BCKDK: variants seen among roughly 807,000 people sequenced by gnomAD.
BCKDK encodes branched-chain alpha-ketoacid dehydrogenase kinase.
In BCKDK, 28 loss-of-function variants were observed where a neutral mutation model predicts 43.9. The observed-to-expected ratio is 0.64, with a 90% CI of 0.47 to 0.87. BCKDK has a LOEUF of 0.87. BCKDK is among the 40% of genes least tolerant of loss of function. The probability of loss-of-function intolerance (pLI) is 0.00; values close to 1 mark genes in which losing one functional copy is unlikely to be tolerated. For synonymous variants in BCKDK, 257 were observed against 234.3 expected (o/e 1.10, Z -0.88); for missense variants, 483 against 581.4 (o/e 0.83, Z 1.74).
In BCKDK at chr16:31,109,393, C is replaced by T. The variant is rs369046982; in HGVS notation, c.170C>T (p.Ser57Leu). The change falls in exon 2 of 12, where the codon TCG (serine) becomes TTG (leucine). Residue 57 changes from serine to leucine, a missense_variant. By Grantham distance (145) the Ser-to-Leu change is moderately radical. Coordinates refer to ENST00000219794, the MANE Select transcript of BCKDK (RefSeq NM_005881.4). The surrounding 1 kb of genome is among the most constrained non-coding windows in gnomAD (Gnocchi z 5.3). ...SKTVTSFYNQ[S>L]AIDAAAEKPS... ...ACCGTCACCTCCTTTTACAACCAGT[C>T]GGCCATCGACGCGGCAGCGGAGAAG... 9 of 1,606,996 alleles carry T rather than the reference C, an allele frequency of 5.6e-6. No individual in the cohort carries two copies. The highest frequency in any genetic ancestry group is 7.7e-6 in the Non-Finnish European group (9 of 1,175,546).
At chr16:31,115,598 C>T (rs2057440542), downstream of BCKDK, among the ~76,000 whole-genome samples, 1 of 152,004 alleles carries the variant, frequency 6.6e-6, no homozygotes, top group East Asian at 1.9e-4. Context: ...GGGATTATAG[C>T]TCACTCAGCC....
At position 31,112,458 on chromosome 16, in the gene BCKDK, C is replaced by T; in HGVS notation, c.*193C>T. Reference sequence around the variant, plus strand: ...GTCCATTGCCTCCTCGCCTCCAGAACTTGGAGCAGGGAAGTGGGCACCCTG... The same window carrying T: ...GTCCATTGCCTCCTCGCCTCCAGAATTTGGAGCAGGGAAGTGGGCACCCTG... On this transcript the variant is annotated 3_prime_UTR_variant, in exon 12 of 12. Coordinates refer to ENST00000219794, the MANE Select transcript of BCKDK (RefSeq NM_005881.4). The surrounding 1 kb of genome is among the most constrained non-coding windows in gnomAD (Gnocchi z 5.0). The T allele has an allele frequency of 1.1e-6, 1 of 935,980 alleles. No individual in the cohort carries two copies. The highest frequency in any genetic ancestry group is 1.6e-6 in the Non-Finnish European group (1 of 606,702). 58.0% of individuals were successfully genotyped at this position (935,980 alleles called of 1,614,324 possible).
rs765998546 is a variant in BCKDK at position 31,109,312 on chromosome 16, G to A, written c.89G>A (p.Arg30His). 11 of 1,607,770 alleles carry A rather than the reference G, an allele frequency of 6.8e-6. No individual in the cohort carries two copies. The South Asian group carries it at 1.1e-4, about 16-fold the overall frequency. ...LLGPALALRA[R>H]STSATDTHHV... is the part of the protein sequence containing the mutation. ...GGACCCGCACTCGCGCTCCGGGCCC[G>A]CTCGACGTCGGCCACCGACACACAC... The change falls in exon 2 of 12, where the codon CGC becomes CAC. Residue 30 changes from arginine to histidine, a missense_variant. Transcript: ENST00000219794. The surrounding 1 kb of genome is among the most constrained non-coding windows in gnomAD (Gnocchi z 5.3).
Position 31,109,625 on chromosome 16 carries a change from C to G in BCKDK, c.264+46C>G. The G allele has an allele frequency of 6.2e-7, 1 of 1,613,626 alleles. No homozygotes were observed. Among genetic ancestry groups the G allele is most frequent in the Non-Finnish European group, 8.5e-7 (1 of 1,179,622 alleles). On this transcript the variant is annotated intron_variant, in intron 3 of 11. Transcript: ENST00000219794. This position sits in a 1 kb window ranked among gnomAD's most constrained non-coding sequence, Gnocchi z 5.3. ...TTTCCTCGTGGATCCTGGAGCTCTC[C>G]CAGACACTCAGGCTCCAGCCCCGCC...
downstream of BCKDK, among the ~76,000 whole-genome samples, chr16:31,114,555 C>T (rs552668958): frequency 7.2e-5 from 11 of 152,170 alleles, no homozygotes; most frequent in African/African-American, 2.7e-4. Context: ...TCCGCAGGCC[C>T]TGAGCATTCC....
intron 10 of BCKDK, among the ~76,000 whole-genome samples, chr16:31,111,666 T>C (rs1422958405): frequency 6.6e-6 from 1 of 152,034 alleles, no homozygotes; most frequent in Non-Finnish European, 1.5e-5. Flanking sequence ...CGAGGATAAA[T>C]GTCACATCCT....
chr16:31,109,415 G>A lies in BCKDK; in HGVS notation c.192G>A (p.Glu64=). The A allele has an allele frequency of 6.2e-7, 1 of 1,610,226 alleles. No individual in the cohort carries two copies. Among genetic ancestry groups the A allele is most frequent in the African/African-American group, 1.3e-5 (1 of 74,984 alleles). ...YNQSAIDAAA[E]KPSVRLTPTM... is the part of the protein sequence containing the mutation. ...AGTCGGCCATCGACGCGGCAGCGGA[G>A]AAGGTGCGCAAGGGGGCAGCCAGCC... The change falls in exon 2 of 12, where the codon GAG becomes GAA. Residue 64 remains glutamate (E), a synonymous_variant. Coordinates refer to ENST00000219794, the MANE Select transcript of BCKDK (RefSeq NM_005881.4). This position sits in a 1 kb window ranked among gnomAD's most constrained non-coding sequence, Gnocchi z 5.3.
Position 31,109,430 on chromosome 16 carries a change from G to GGCA in BCKDK, c.195+15_195+17dup. ...CGGCAGCGGAGAAGGTGCGCAAGGG[G>GGCA]GCAGCCAGCCCAGGGTCCGGGATGT... On this transcript the variant is annotated intron_variant, in intron 2 of 11. Coordinates refer to ENST00000219794, the MANE Select transcript of BCKDK (RefSeq NM_005881.4). This position sits in a 1 kb window ranked among gnomAD's most constrained non-coding sequence, Gnocchi z 5.3. 2.5e-6 allele frequency: 4 copies of GGCA among 1,611,988 alleles called. No individual in the cohort carries two copies. In the South Asian group the frequency reaches 3.3e-5, roughly 13 times the overall value.
In BCKDK at chr16:31,110,508, C is replaced by T. The variant is rs1018942913; in HGVS notation, c.642+9C>T. 1 of 1,613,564 alleles carries T rather than the reference C, an allele frequency of 6.2e-7. No homozygotes were observed. The highest frequency in any genetic ancestry group is 1.3e-5 in the African/African-American group (1 of 75,000). On this transcript the variant is annotated intron_variant, in intron 7 of 11. Coordinates refer to ENST00000219794, the MANE Select transcript of BCKDK (RefSeq NM_005881.4). This position sits in a 1 kb window ranked among gnomAD's most constrained non-coding sequence, Gnocchi z 5.4. ...CGCTGCATGAGGACAAGGTGGGGCT[C>T]TGGGACCTGAGACCCACCTGGGAAC... is the stretch of plus-strand genomic sequence containing the variant.
chr16:31,111,915 G>T lies in BCKDK; in HGVS notation c.982G>T (p.Val328Phe), dbSNP rs1009193055. The change falls in exon 11 of 12, where the codon GTC (valine) becomes TTC (phenylalanine). Residue 328 changes from valine to phenylalanine, a missense_variant. Physicochemically the swap from Val to Phe is conservative, Grantham distance 50. Transcript: ENST00000219794. ...GGIAHKDLDR[V>F]MDYHFTTAEA... is the part of the protein sequence containing the mutation. ...AATCGCTCACAAAGATCTGGACCGG[G>T]TCATGGACTACCACTTCACTACTGC... The T allele has an allele frequency of 6.2e-7, 1 of 1,614,064 alleles. No homozygotes were observed. Among genetic ancestry groups the T allele is most frequent in the African/African-American group, 1.3e-5 (1 of 74,922 alleles).
rs371158752 is a variant in BCKDK at position 31,109,825 on chromosome 16, CG to C, written c.375+47del. ...CTTAGGTCAGCGGGCCACCCTGCCCCGGGGGCAAGTGGGGAGTCTGGGGCCC... is the reference window on the plus strand; with the variant it reads ...CTTAGGTCAGCGGGCCACCCTGCCCCGGGGCAAGTGGGGAGTCTGGGGCCC... On this transcript the variant is annotated intron_variant, in intron 4 of 11. Transcript: ENST00000219794. The surrounding 1 kb of genome is among the most constrained non-coding windows in gnomAD (Gnocchi z 5.3). 1.8e-4 allele frequency: 285 copies of C among 1,594,082 alleles called. 4 individuals carry two copies. The African/African-American group carries it at 3.5e-3, about 19-fold the overall frequency.
chr16:31,109,307 G>A lies in BCKDK; in HGVS notation c.84G>A (p.Arg28=). The change falls in exon 2 of 12, where the codon CGG becomes CGA. Residue 28 remains arginine, a synonymous_variant. Coordinates refer to ENST00000219794, the MANE Select transcript of BCKDK (RefSeq NM_005881.4). This position sits in a 1 kb window ranked among gnomAD's most constrained non-coding sequence, Gnocchi z 5.3. ...TCCTGGGACCCGCACTCGCGCTCCG[G>A]GCCCGCTCGACGTCGGCCACCGACA... The part of the protein sequence containing the change: ...RPLLGPALAL[R]ARSTSATDTH... 1 of 1,607,514 alleles carries A rather than the reference G, an allele frequency of 6.2e-7. No homozygotes were observed.
Position 31,110,435 on chromosome 16 carries a change from C to T in BCKDK, c.578C>T (p.Thr193Met), listed in dbSNP as rs374568685. 1.7e-5 allele frequency: 28 copies of T among 1,613,802 alleles called. No individual in the cohort carries two copies. The highest frequency in any genetic ancestry group is 8.9e-5 in the East Asian group (4 of 44,890). The stretch of plus-strand genomic sequence containing the variant: ...CTCGTCCGCTACTTCTTGGACAAGA[C>T]GCTGACTTCGAGGCTTGGAATCCGC... ...EKLVRYFLDK[T>M]LTSRLGIRML... is the part of the protein sequence containing the mutation. The change falls in exon 7 of 12, where the codon ACG becomes ATG. Residue 193 changes from threonine (T) to methionine (M), a missense_variant. Transcript: ENST00000219794. This position sits in a 1 kb window ranked among gnomAD's most constrained non-coding sequence, Gnocchi z 5.4.
In BCKDK at chr16:31,109,256, C is replaced by T; in HGVS notation, c.33C>T (p.Pro11=). MILASVLRSG[P]GGGLPLRPLL... is the part of the protein sequence containing the mutation. ...TGGCGTCGGTGCTGAGGAGCGGTCC[C>T]GGGGGCGGGCTTCCGCTCCGGCCCC... The change falls in exon 2 of 12, where the codon CCC becomes CCT. Residue 11 remains proline (P), a synonymous_variant. Coordinates refer to ENST00000219794, the MANE Select transcript of BCKDK (RefSeq NM_005881.4). This position sits in a 1 kb window ranked among gnomAD's most constrained non-coding sequence, Gnocchi z 5.3. 6.5e-7 allele frequency: 1 copy of T among 1,549,346 alleles called. No homozygotes were observed. Among genetic ancestry groups the T allele is most frequent in the Admixed American group, 2.0e-5 (1 of 50,016 alleles).
chr16:31,109,494 CCT>C lies in BCKDK; in HGVS notation c.196-11_196-10del. ...AGTGTTGGGGGTTCTCTGCTCAAGG[CCT>C]CTCTCCCTCTCTAGCCCTCAGTCCG... On this transcript the variant is annotated splice_polypyrimidine_tract_variant and intron_variant, in intron 2 of 11. Coordinates refer to ENST00000219794, the MANE Select transcript of BCKDK (RefSeq NM_005881.4). The surrounding 1 kb of genome is among the most constrained non-coding windows in gnomAD (Gnocchi z 5.3). The C allele has an allele frequency of 6.2e-7, 1 of 1,613,990 alleles. No homozygotes were observed. The highest frequency in any genetic ancestry group is 8.5e-7 in the Non-Finnish European group (1 of 1,179,992).
At chr16:31,111,539 C>T (rs150543633) in intron 10 of BCKDK, 150 bp downstream of exon 10, 13 of 937,614 alleles carry the variant, frequency 1.4e-5, no homozygotes, top group African/African-American at 1.1e-4. Flanking sequence ...CTGAGATGGC[C>T]ATGAGCTGCT....
chr16:31,116,397 G>A (rs986172356), downstream of BCKDK, among the ~76,000 whole-genome samples: 1 of 150,214 alleles, frequency 6.7e-6, no homozygotes, highest in Admixed American at 6.6e-5. Context: ...ATTTTTAGTA[G>A]AGACGGAGTT....
chr16:31,108,975 T>C lies in BCKDK; in HGVS notation c.-177-72T>C. 1 of 412,576 alleles carries C rather than the reference T, an allele frequency of 2.4e-6. No individual in the cohort carries two copies. Among genetic ancestry groups the C allele is most frequent in the Non-Finnish European group, 4.3e-6 (1 of 230,172 alleles). 25.6% of individuals were successfully genotyped at this position (412,576 alleles called of 1,614,324 possible). A position where few individuals can be genotyped will look rare whatever the true frequency, so the allele number is the denominator to read the frequency against. On this transcript the variant is annotated intron_variant, in intron 1 of 11. Coordinates refer to ENST00000219794, the MANE Select transcript of BCKDK (RefSeq NM_005881.4). The surrounding 1 kb of genome is among the most constrained non-coding windows in gnomAD (Gnocchi z 6.2). ...GGTCGCCCGGGTCTGGGGAGACCGA[T>C]GCACAGGTGGAGAGATGGTGCGGGT...
chr16:31,117,058 G>A (rs1232665397), downstream of BCKDK, among the ~76,000 whole-genome samples: 1 of 151,506 alleles, frequency 6.6e-6, no homozygotes, highest in Non-Finnish European at 1.5e-5. Flanking sequence ...CTTGGCTTCC[G>A]CAGGTACCAG....
Sources: gnomAD v4.1 joint callset for allele counts (sites outside exome capture counted in the v4.1 genomes callset) on GRCh38, gnomAD v4.1.1 for gene constraint, Gnocchi (gnomAD v3.1) non-coding constraint, MANE v1.5 for transcripts, NCBI Gene and HGNC (gene_info 2026-07-23, HGNC 2026-07-21) for gene names.